Variants in ANKS1B observed in about 807,000 individuals in gnomAD.
ANKS1B encodes the protein ankyrin repeat and sterile alpha motif domain-containing protein 1B.
A neutral mutation model predicts 148.3 loss-of-function variants in ANKS1B; 36 were observed. That is an observed-to-expected ratio of 0.24 (90% CI 0.19 to 0.32). The LOEUF is 0.32. Among genes scored for constraint, ANKS1B ranks in the 10% least tolerant of loss-of-function variants. The probability of loss-of-function intolerance (pLI) is 1.00; values close to 1 mark genes in which losing one functional copy is unlikely to be tolerated. For missense variants in ANKS1B, 1,157 were observed against 1,542.6 expected (o/e 0.75, Z 4.19); for synonymous variants, 542 against 560.8 (o/e 0.97, Z 0.47).
At chr12:99,925,578 C>T (rs887980356) in intron 1 of ANKS1B, among the ~76,000 whole-genome samples, 6 of 152,174 alleles carry the variant, frequency 3.9e-5, no homozygotes, top group African/African-American at 1.2e-4. Flanking sequence ...TCTCACAGCT[C>T]CCAATGCACC....
rs189772323 is a variant in ANKS1B, at chr12:99,274,767, T to A, written c.1757-27903A>T. ...TTTGTTCTAGTCCTCTATTGTTACA[T>A]AAAATAGTATCTTAAAAATGCAGTT... On this transcript the variant is annotated intron_variant, in intron 12 of 26. Transcript: ENST00000683438. Among the ~76,000 whole-genome samples the A allele has an allele frequency of 5.3e-3, 812 of 152,342 alleles. 2 individuals carry two copies. Among genetic ancestry groups the A allele is most frequent in the South Asian group, 0.025 (121 of 4,832 alleles).
intron 8 of ANKS1B, among the ~76,000 whole-genome samples, chr12:99,760,459 C>G (rs10860516): frequency 4.0e-5 from 6 of 151,596 alleles, no homozygotes; most frequent in African/African-American, 1.5e-4. Flanking sequence ...GTTTTGGGTA[C>G]GCAATGAAAT....
At position 99,456,662 on chromosome 12, in the gene ANKS1B, G is replaced by GA. The variant is rs529637301; in HGVS notation, c.1439-12854dup. On this transcript the variant is annotated intron_variant, in intron 10 of 26. Coordinates refer to ENST00000683438, the MANE Select transcript of ANKS1B (RefSeq NM_001352186.2). ...TCACAATAGAATCAAACAAGTAGAA[G>GA]AAAAAAACTTCAGAGCTTGAAATCA... is the stretch of plus-strand genomic sequence containing the variant. Among the ~76,000 whole-genome samples, 10 of 151,878 alleles carry GA rather than the reference G, an allele frequency of 6.6e-5. No individual in the cohort carries two copies. In the South Asian group the frequency reaches 1.5e-3, roughly 22 times the overall value.
At chr12:99,159,275 G>A (rs538383787) in intron 14 of ANKS1B, among the ~76,000 whole-genome samples, 7 of 152,196 alleles carry the variant, frequency 4.6e-5, no homozygotes, top group African/African-American at 9.6e-5. Flanking sequence ...GGTTTGCCAC[G>A]TGCGTATATT....
chr12:99,387,874 T>TTTTTTTTTTTTTTTG (rs1310198385), intron 12 of ANKS1B, among the ~76,000 whole-genome samples: 1 of 151,762 alleles, frequency 6.6e-6, no homozygotes, highest in African/African-American at 2.4e-5. Flanking sequence ...AATTGTAATT[T>TTTTTTTTTTTTTTTG]ACCAAGTAGA....
chr12:99,936,536 G>A (rs1244053716), intron 1 of ANKS1B, among the ~76,000 whole-genome samples: 1 of 152,106 alleles, frequency 6.6e-6, no homozygotes, highest in Admixed American at 6.6e-5. Flanking sequence ...TTTGGTAACT[G>A]TCTACTCTTT....
At chr12:99,493,366 G>C (rs2096572704) in intron 10 of ANKS1B, among the ~76,000 whole-genome samples, 4 of 152,176 alleles carry the variant, frequency 2.6e-5, no homozygotes, top group Non-Finnish European at 5.9e-5. Context: ...ACAATCTACA[G>C]AATCTCTGGG....
intron 11 of ANKS1B, among the ~76,000 whole-genome samples, chr12:99,417,726 G>A (rs1474201422): frequency 6.6e-6 from 1 of 151,766 alleles, no homozygotes; most frequent in African/African-American, 2.4e-5. Flanking sequence ...TCAGTGTTTT[G>A]TAGTTTTCAG....
In ANKS1B at chr12:99,163,659, T is replaced by G. The variant is rs866512697; in HGVS notation, c.2420-9264A>C. On this transcript the variant is annotated intron_variant, in intron 14 of 26. Transcript: ENST00000683438. ...CCATTTTTTGACCCCTGGCAACTAC[T>G]GATCTGTGTCCATCTCTATCATTTT... 2.6e-4 allele frequency among the ~76,000 whole-genome samples: 39 copies of G among 152,306 alleles called. No individual in the cohort carries two copies. In the South Asian group the frequency reaches 5.8e-3, roughly 23 times the overall value.
chr12:99,555,609 T>C (rs1333467077), intron 9 of ANKS1B, among the ~76,000 whole-genome samples: 2 of 152,160 alleles, frequency 1.3e-5, no homozygotes, highest in Non-Finnish European at 2.9e-5. Context: ...TTGAGGTATA[T>C]TCCTTCAATC....
chr12:98,780,303 A>C (rs1259063668), intron 24 of ANKS1B, among the ~76,000 whole-genome samples: 2 of 152,218 alleles, frequency 1.3e-5, no homozygotes, highest in Non-Finnish European at 2.9e-5. Context: ...GAAAGGATGC[A>C]GGAATAAAAC....
chr12:99,568,122 A>G (rs1242953747), intron 9 of ANKS1B, among the ~76,000 whole-genome samples: 1 of 152,198 alleles, frequency 6.6e-6, no homozygotes, highest in African/African-American at 2.4e-5. Flanking sequence ...ACTATTCTCT[A>G]AGTCAGAACT....
rs191633764 is a variant in ANKS1B, at chr12:99,683,006, A to G, written c.1129-27796T>C. ...ACAATCATGGCAGAAGGTGACATAC[A>G]CGTCATACATGGCAGCAGACATGAG... On this transcript the variant is annotated intron_variant, in intron 8 of 26. Coordinates refer to ENST00000683438, the MANE Select transcript of ANKS1B (RefSeq NM_001352186.2). Among the ~76,000 whole-genome samples, 12 of 152,304 alleles carry G rather than the reference A, an allele frequency of 7.9e-5. No individual in the cohort carries two copies. In the East Asian group the frequency reaches 2.1e-3, roughly 27 times the overall value.
chr12:98,817,778 A>C (rs565820189), intron 19 of ANKS1B, among the ~76,000 whole-genome samples: 1 of 152,348 alleles, frequency 6.6e-6, no homozygotes, highest in South Asian at 2.1e-4. Context: ...GAAATGCTAG[A>C]GTCAAGAAAA....
At chr12:99,955,404 A>C (rs898003462) in intron 1 of ANKS1B, among the ~76,000 whole-genome samples, 5 of 145,254 alleles carry the variant, frequency 3.4e-5, no homozygotes, top group Non-Finnish European at 7.5e-5. Flanking sequence ...GAGGCAGGAG[A>C]ATGGCGTGAA....
chr12:99,427,924 AGG>A (rs1420716797), intron 11 of ANKS1B, among the ~76,000 whole-genome samples: 2 of 152,208 alleles, frequency 1.3e-5, no homozygotes, highest in Admixed American at 1.3e-4. Context: ...GGAGAGTTGC[AGG>A]AATTTGGGAT....
chr12:99,015,215 T>A (rs554697874), intron 17 of ANKS1B, among the ~76,000 whole-genome samples: 2 of 152,296 alleles, frequency 1.3e-5, no homozygotes, highest in South Asian at 4.1e-4. Context: ...TGAGATCATG[T>A]CCTTTGCAGG....
chr12:99,536,390 TA>T (rs2097067127), intron 9 of ANKS1B, among the ~76,000 whole-genome samples: 1 of 152,194 alleles, frequency 6.6e-6, no homozygotes, highest in African/African-American at 2.4e-5. Context: ...AAAACTGCTC[TA>T]AAAAATTAGT....
intron 12 of ANKS1B, among the ~76,000 whole-genome samples, chr12:99,373,047 T>C (rs1473695602): frequency 6.6e-6 from 1 of 152,174 alleles, no homozygotes; most frequent in Non-Finnish European, 1.5e-5. Context: ...CCATGAAATA[T>C]GATGTGAAAA....
Sources: allele counts gnomAD v4.1 joint callset (sites outside exome capture counted in the v4.1 genomes callset), GRCh38; gene constraint gnomAD v4.1.1; transcripts MANE v1.5; gene names NCBI Gene and HGNC (gene_info 2026-07-23, HGNC 2026-07-21).